Variants in HMGA2 observed in about 807,000 individuals in gnomAD.
The protein encoded by HMGA2 is high mobility group protein HMGI-C.
A neutral mutation model predicts 19.1 loss-of-function variants in HMGA2; 8 were observed. That is an observed-to-expected ratio of 0.42 (90% CI 0.25 to 0.76). The LOEUF (loss-of-function observed/expected upper bound fraction) is 0.76, where lower values mean the gene tolerates loss of function less well. Ranked by LOEUF, HMGA2 falls within the 30% of genes least tolerant of loss-of-function variation. HMGA2 has a pLI of 0.28. For synonymous variants in HMGA2, 60 were observed against 48.8 expected, an observed-to-expected ratio of 1.23 and a Z score of -0.96; for missense variants, 109 against 136.3, an observed-to-expected ratio of 0.80 and a Z score of 1.00.
intron 4 of HMGA2, chr12:65,955,418 A>C: frequency 6.6e-6 from 1 of 152,148 alleles, no homozygotes; most frequent in East Asian, 1.9e-4. Context: ...AGATGTCTAA[A>C]AAAGTTTCGC....
chr12:65,859,246 A>G (rs1041447475), intron 3 of HMGA2: 4 of 151,778 alleles, frequency 2.6e-5, no homozygotes, highest in Non-Finnish European at 4.4e-5. Flanking sequence ...CACCCCTTTC[A>G]CTCCCCAAAG....
At chr12:65,883,674 T>G (rs193260251) in intron 3 of HMGA2, among the ~76,000 whole-genome samples, 1 of 152,318 alleles carries the variant, frequency 6.6e-6, no homozygotes, top group Non-Finnish European at 1.5e-5. Flanking sequence ...GTACTAACAG[T>G]TTTGCTAAGG....
chr12:65,948,755 CGG>C (rs1876354339), intron 3 of HMGA2, among the ~76,000 whole-genome samples: 1 of 152,108 alleles, frequency 6.6e-6, no homozygotes, highest in Admixed American at 6.5e-5. Flanking sequence ...CGGACTAGGC[CGG>C]GAGCCAGGGC....
At chr12:65,836,934 GT>G (rs1209476068) in intron 2 of HMGA2, among the ~76,000 whole-genome samples, 1 of 152,156 alleles carries the variant, frequency 6.6e-6, no homozygotes, top group Non-Finnish European at 1.5e-5. Context: ...CTACCGGGTA[GT>G]AGCATTGTTA....
intron 3 of HMGA2, among the ~76,000 whole-genome samples, chr12:65,914,332 C>A (rs1447622141): frequency 6.6e-6 from 1 of 151,752 alleles, no homozygotes; most frequent in East Asian, 1.9e-4. Context: ...GATGAGTTCA[C>A]GTCCTTTGTA....
chr12:65,932,811 G>C (rs1875762303), intron 3 of HMGA2, among the ~76,000 whole-genome samples: 1 of 152,200 alleles, frequency 6.6e-6, no homozygotes, highest in Admixed American at 6.5e-5. Flanking sequence ...CATTGTGACA[G>C]GTCTACTGTC....
intron 3 of HMGA2, among the ~76,000 whole-genome samples, chr12:65,917,278 G>A (rs1035065188): frequency 4.6e-5 from 7 of 152,186 alleles, no homozygotes; most frequent in Non-Finnish European, 7.3e-5. Context: ...CACTGAGGCC[G>A]TGAGAATGTT....
chr12:65,878,741 A>T (rs916652137), intron 3 of HMGA2, among the ~76,000 whole-genome samples: 7 of 152,244 alleles, frequency 4.6e-5, no homozygotes, highest in Non-Finnish European at 8.8e-5. Context: ...GCCCAAAGCC[A>T]AGCCAGGCAT....
At chr12:65,954,759 T>C (rs1014947437) in intron 4 of HMGA2, 14 of 152,186 alleles carry the variant, frequency 9.2e-5, no homozygotes, top group African/African-American at 3.4e-4. Flanking sequence ...GGAGAGTTAA[T>C]AGTCTCTTAA....
chr12:65,961,639 A>T (rs1876753650), intron 4 of HMGA2, among the ~76,000 whole-genome samples: 1 of 152,134 alleles, frequency 6.6e-6, no homozygotes, highest in Admixed American at 6.6e-5. Context: ...TATTCCCAGG[A>T]TTTACAGCTC....
At chr12:65,898,917 G>A (rs11175952) in intron 3 of HMGA2, among the ~76,000 whole-genome samples, 4 of 151,848 alleles carry the variant, frequency 2.6e-5, no homozygotes, top group Admixed American at 6.6e-5. Flanking sequence ...GGTGGCGGGC[G>A]CCTGTAATCC....
chr12:65,838,998 C>CTTTCTTTTTTTTT (rs1870868749), intron 3 of HMGA2, among the ~76,000 whole-genome samples: 1 of 107,230 alleles, frequency 9.3e-6, no homozygotes. Flanking sequence ...TTTTCTTTTT[C>CTTTCTTTTTTTTT]TTTTTTTTTT....
chr12:65,905,239 C>A (rs1461942980), intron 3 of HMGA2, among the ~76,000 whole-genome samples: 1 of 151,736 alleles, frequency 6.6e-6, no homozygotes, highest in African/African-American at 2.4e-5. Context: ...CTAAAATGGG[C>A]ATTTTTCTGT....
chr12:65,889,369 T>C (rs1873807730), intron 3 of HMGA2, among the ~76,000 whole-genome samples: 1 of 152,238 alleles, frequency 6.6e-6, no homozygotes, highest in Non-Finnish European at 1.5e-5. Context: ...ACCTTAGCAC[T>C]GAATCAGGAA....
intron 3 of HMGA2, chr12:65,915,005 G>A: frequency 6.2e-7 from 1 of 1,609,372 alleles, no homozygotes; most frequent in Non-Finnish European, 8.5e-7. Context: ...TCCATCACTA[G>A]ATCTCTTCTG....
intron 1 of HMGA2, among the ~76,000 whole-genome samples, chr12:65,827,755 T>G (rs897133794): frequency 6.6e-6 from 1 of 152,220 alleles, no homozygotes; most frequent in Non-Finnish European, 1.5e-5. Context: ...TGTTACCATT[T>G]TAGGTTTGAA....
intron 2 of HMGA2, among the ~76,000 whole-genome samples, chr12:65,837,763 C>A (rs568283304): frequency 1.3e-5 from 2 of 152,246 alleles, no homozygotes; most frequent in Non-Finnish European, 2.9e-5. Context: ...GAAATAAACT[C>A]TCAAGATAGA....
intron 3 of HMGA2, among the ~76,000 whole-genome samples, chr12:65,947,571 T>C (rs781037307): frequency 3.9e-5 from 6 of 152,218 alleles, no homozygotes; most frequent in Admixed American, 6.5e-5. Flanking sequence ...ACAAGCTTTT[T>C]GAAAGGTGCA....
chr12:65,875,589 ATTTTTTTTTTTTTTT>A (rs71096056), intron 3 of HMGA2, among the ~76,000 whole-genome samples: 154 of 26,108 alleles, frequency 5.9e-3, no homozygotes, highest in South Asian at 7.8e-3. Context: ...GTGCCCGGCT[ATTTTTTTTTTTTTTT>A]TTTTTTTTTT....
Sources: allele counts gnomAD v4.1 joint callset (sites outside exome capture counted in the v4.1 genomes callset), GRCh38; gene constraint gnomAD v4.1.1; transcripts MANE v1.5; gene names NCBI Gene and HGNC (gene_info 2026-07-23, HGNC 2026-07-21).